Variants in STAC observed in about 807,000 individuals in gnomAD.
STAC encodes the protein SH3 and cysteine-rich domain-containing protein.
STAC carries 43 observed loss-of-function variants against 48.8 expected under a neutral mutation model. That is an observed-to-expected ratio of 0.88 (90% CI 0.69 to 1.14). The LOEUF (loss-of-function observed/expected upper bound fraction) is 1.14. Ranked by LOEUF, STAC falls within the 50% of genes most tolerant of loss-of-function variation. STAC has a pLI of 0.00. For synonymous variants in STAC, 193 were observed against 179.5 expected, an observed-to-expected ratio of 1.07 and a Z score of -0.60; for missense variants, 497 against 504.0, an observed-to-expected ratio of 0.99 and a Z score of 0.13.
intron 2 of STAC, among the ~76,000 whole-genome samples, chr3:36,480,767 C>G (rs1697624612): frequency 6.6e-6 from 1 of 152,154 alleles, no homozygotes; most frequent in Admixed American, 6.5e-5. Context: ...GTTGATTAAT[C>G]AACTTCCACG....
At chr3:36,462,515 C>G (rs1697047496) in intron 2 of STAC, among the ~76,000 whole-genome samples, 1 of 152,068 alleles carries the variant, frequency 6.6e-6, no homozygotes. Flanking sequence ...AGAAGAGGAC[C>G]AATGACTGAG....
In STAC at chr3:36,480,523, C is replaced by G. The variant is rs181023663; in HGVS notation, c.389-2469C>G. ...GGTTGCATGCCAGGTTCTTACCCCC[C>G]CTTATTTTATCATCCAGTTAGCCCC... On this transcript the variant is annotated intron_variant, in intron 2 of 10. Coordinates refer to ENST00000273183, the MANE Select transcript of STAC (RefSeq NM_003149.3). 1.8e-4 allele frequency among the ~76,000 whole-genome samples: 27 copies of G among 152,284 alleles called. 1 individual carries two copies. The highest frequency in any genetic ancestry group is 7.7e-4 in the East Asian group (4 of 5,182).
chr3:36,392,721 GAGAGGCA>G (rs752141765), intron 1 of STAC, among the ~76,000 whole-genome samples: 3 of 152,010 alleles, frequency 2.0e-5, no homozygotes, highest in Non-Finnish European at 2.9e-5. Context: ...CTGGTGGCCA[GAGAGGCA>G]GCCTTACTGC....
intron 2 of STAC, among the ~76,000 whole-genome samples, chr3:36,463,301 TC>T (rs1697070474): frequency 6.6e-6 from 1 of 152,256 alleles, no homozygotes; most frequent in South Asian, 2.1e-4. Flanking sequence ...AAATAATTTT[TC>T]TTTTAATTTC....
rs1354250255 is a variant in STAC at position 36,398,459 on chromosome 3, GGAAGGAAGGAAGGAA to G, written c.111+17707_111+17721del. 3.8e-5 allele frequency among the ~76,000 whole-genome samples: 4 copies of G among 105,756 alleles called. No homozygotes were observed. In the East Asian group the frequency reaches 9.7e-4, roughly 26 times the overall value. 69.4% of individuals were successfully genotyped at this position (105,756 alleles called of 152,430 possible). A position where few individuals can be genotyped will look rare whatever the true frequency, so the allele number is the denominator to read the frequency against. Reference sequence around the variant, plus strand: ...AGGAAGGAAGGAAGGAAGGAAGGAAGGAAGGAAGGAAGGAAGGAGGGAAGGAAGAAAGGAAGGAGG... The same window carrying G: ...AGGAAGGAAGGAAGGAAGGAAGGAAGGGAGGGAAGGAAGAAAGGAAGGAGG... On this transcript the variant is annotated intron_variant, in intron 1 of 10. Coordinates refer to ENST00000273183, the MANE Select transcript of STAC (RefSeq NM_003149.3).
intron 2 of STAC, among the ~76,000 whole-genome samples, chr3:36,445,911 TAC>T (rs2125669510): frequency 6.6e-6 from 1 of 152,346 alleles, no homozygotes; most frequent in Admixed American, 6.5e-5. Context: ...ACCCTCCGTG[TAC>T]ACTCACAGTT....
intron 2 of STAC, among the ~76,000 whole-genome samples, chr3:36,446,330 G>T (rs574967102): frequency 8.5e-5 from 13 of 152,346 alleles, no homozygotes; most frequent in African/African-American, 3.1e-4. Context: ...AGGTGTGTCT[G>T]TCAGCTTCAA....
intron 2 of STAC, among the ~76,000 whole-genome samples, chr3:36,462,818 C>T (rs1387052514): frequency 1.3e-5 from 2 of 152,148 alleles, no homozygotes; most frequent in Non-Finnish European, 2.9e-5. Context: ...TTCCACATTA[C>T]ATATCATAGA....
intron 2 of STAC, among the ~76,000 whole-genome samples, chr3:36,473,899 A>C (rs989995113): frequency 6.6e-6 from 1 of 152,194 alleles, no homozygotes; most frequent in African/African-American, 2.4e-5. Context: ...TATCATTTTA[A>C]AAAACAAAAA....
chr3:36,417,909 T>A (rs1700356765), intron 1 of STAC, among the ~76,000 whole-genome samples: 2 of 152,240 alleles, frequency 1.3e-5, no homozygotes, highest in Non-Finnish European at 1.5e-5. Flanking sequence ...CTTTCATTTT[T>A]AAATTAATTT....
At chr3:36,535,536 T>C (rs939249654) in intron 10 of STAC, among the ~76,000 whole-genome samples, 2 of 152,158 alleles carry the variant, frequency 1.3e-5, no homozygotes, top group African/African-American at 4.8e-5. Flanking sequence ...AGAGGGCATC[T>C]TTTTTGTGCC....
rs562960551 is a variant in STAC at position 36,540,287 on chromosome 3, T to C, written c.1111-5904T>C. Among the ~76,000 whole-genome samples, 4 of 152,276 alleles carry C rather than the reference T, an allele frequency of 2.6e-5. No individual in the cohort carries two copies. The South Asian group carries it at 8.3e-4, about 32-fold the overall frequency. On this transcript the variant is annotated intron_variant, in intron 10 of 10. Transcript: ENST00000273183. ...TCTGAACCCTAGAACTGTAAGATAATAAATTTGTGTTGTTATAAGCCACCA... is the reference window on the plus strand; with the variant it reads ...TCTGAACCCTAGAACTGTAAGATAACAAATTTGTGTTGTTATAAGCCACCA...
At position 36,483,052 on chromosome 3, in the gene STAC, G is replaced by A; in HGVS notation, c.449G>A (p.Cys150Tyr). ...KACKMSIHHK[C>Y]TDGLAPQRCM... The stretch of plus-strand genomic sequence containing the variant: ...TGTAAGATGAGCATCCACCACAAGT[G>A]CACAGATGGCCTGGCACCCCAGCGG... The change falls in exon 3 of 11, where the codon TGC (cysteine) becomes TAC (tyrosine). Residue 150 changes from cysteine to tyrosine, a missense_variant. Coordinates refer to ENST00000273183, the MANE Select transcript of STAC (RefSeq NM_003149.3). The A allele has an allele frequency of 6.2e-7, 1 of 1,614,184 alleles. No individual in the cohort carries two copies. Among genetic ancestry groups the A allele is most frequent in the Non-Finnish European group, 8.5e-7 (1 of 1,180,022 alleles).
intron 1 of STAC, among the ~76,000 whole-genome samples, chr3:36,393,301 C>T (rs996321116): frequency 6.6e-6 from 1 of 152,124 alleles, no homozygotes; most frequent in African/African-American, 2.4e-5. Flanking sequence ...GCTCCTGTGT[C>T]CCTTTGTTCA....
At chr3:36,463,947 T>C (rs1050573388) in intron 2 of STAC, among the ~76,000 whole-genome samples, 1 of 152,086 alleles carries the variant, frequency 6.6e-6, no homozygotes, top group Admixed American at 6.5e-5. Flanking sequence ...GTTCCAAGTC[T>C]TTGCTATTGT....
intron 1 of STAC, among the ~76,000 whole-genome samples, chr3:36,402,862 T>C (rs1412130108): frequency 2.2e-4 from 33 of 151,732 alleles, no homozygotes; most frequent in Admixed American, 2.2e-3. Flanking sequence ...AGGGGAATTA[T>C]CTACTCAGAG....
At chr3:36,481,842 A>G (rs1697655697) in intron 2 of STAC, among the ~76,000 whole-genome samples, 2 of 152,200 alleles carry the variant, frequency 1.3e-5, no homozygotes, top group South Asian at 4.1e-4. Flanking sequence ...CCACAGCCAT[A>G]TGTCCCACAG....
chr3:36,417,721 T>A (rs868792134), intron 1 of STAC, among the ~76,000 whole-genome samples: 6 of 152,196 alleles, frequency 3.9e-5, no homozygotes, highest in Non-Finnish European at 7.3e-5. Flanking sequence ...TAGTATAGGT[T>A]TGAAAAAAGA....
intron 2 of STAC, among the ~76,000 whole-genome samples, chr3:36,447,945 C>CTATTTGGAA (rs1696555741): frequency 6.6e-6 from 1 of 152,000 alleles, no homozygotes; most frequent in African/African-American, 2.4e-5. Context: ...TCCTTTGGGC[C>CTATTTGGAA]ATAGTGTGTT....
Sources: gnomAD v4.1 joint callset for allele counts (sites outside exome capture counted in the v4.1 genomes callset) on GRCh38, gnomAD v4.1.1 for gene constraint, MANE v1.5 for transcripts, NCBI Gene and HGNC (gene_info 2026-07-23, HGNC 2026-07-21) for gene names.